The following TMEM45A variants were observed in gnomAD, a reference collection of about 807,000 sequenced individuals.
The protein encoded by TMEM45A is transmembrane protein 45A.
In TMEM45A, 25 loss-of-function variants were observed where a neutral mutation model predicts 32.0. The observed-to-expected ratio is 0.78, with a 90% CI of 0.57 to 1.09. The LOEUF is 1.09. TMEM45A is among the 50% of genes least tolerant of loss of function. The probability of loss-of-function intolerance (pLI) is 0.00; values close to 1 mark genes in which losing one functional copy is unlikely to be tolerated. For missense variants in TMEM45A, 302 were observed against 325.0 expected (o/e 0.93, Z 0.54); for synonymous variants, 122 against 114.8 (o/e 1.06, Z -0.40).
intron 1 of TMEM45A, among the ~76,000 whole-genome samples, chr3:100,512,966 A>T (rs1708193009): frequency 6.6e-6 from 1 of 151,158 alleles, no homozygotes; most frequent in African/African-American, 2.4e-5. Context: ...CAGGATCTGA[A>T]ATTGTGGCAA....
At chr3:100,499,659 T>C (rs1239444202) in intron 1 of TMEM45A, among the ~76,000 whole-genome samples, 1 of 152,186 alleles carries the variant, frequency 6.6e-6, no homozygotes, top group Non-Finnish European at 1.5e-5. Flanking sequence ...GGTGGATCAC[T>C]TGAGGCCAGG....
Position 100,576,889 on chromosome 3 carries a change from A to G in TMEM45A, c.735-36A>G, listed in dbSNP as rs7427360. The G allele has an allele frequency of 0.43, 652,743 of 1,501,614 alleles. 148,543 individuals carry two copies. The highest frequency in any genetic ancestry group is 0.76 in the African/African-American group (55,083 of 72,186). The allele number at this position is 1,501,614 out of a possible 1,614,324, so 93.0% of individuals were successfully genotyped here. ...TATTGCTCTGGGTTTCTATTTTAAA[A>G]ACCGTCTAACTTGAGATGCTTTTCT... On this transcript the variant is annotated intron_variant, in intron 5 of 5. Transcript: ENST00000323523.
At chr3:100,551,046 C>T (rs997183328) in intron 1 of TMEM45A, among the ~76,000 whole-genome samples, 1 of 148,044 alleles carries the variant, frequency 6.8e-6, no homozygotes, top group African/African-American at 2.5e-5. Context: ...CGGAGTCTCC[C>T]TCTGTCGCCC....
intron 1 of TMEM45A, among the ~76,000 whole-genome samples, chr3:100,539,252 A>T (rs1446648760): frequency 6.6e-6 from 1 of 152,136 alleles, no homozygotes; most frequent in African/African-American, 2.4e-5. Flanking sequence ...AAGAACAGAC[A>T]CATAGGTGAA....
chr3:100,558,636 C>T, intron 4 of TMEM45A, 47 bp downstream of exon 4: 2 of 1,579,098 alleles, frequency 1.3e-6, no homozygotes, highest in Non-Finnish European at 1.7e-6. Flanking sequence ...TTGCCTGTAA[C>T]TTCTCTGTTT....
intron 1 of TMEM45A, among the ~76,000 whole-genome samples, chr3:100,525,798 G>A (rs950173856): frequency 3.9e-5 from 6 of 152,170 alleles, no homozygotes; most frequent in African/African-American, 1.4e-4. Context: ...CTTGTGGTAC[G>A]GGGAGACAGG....
intron 1 of TMEM45A, among the ~76,000 whole-genome samples, chr3:100,533,576 T>G (rs1019823029): frequency 5.9e-5 from 9 of 152,128 alleles, no homozygotes; most frequent in East Asian, 1.9e-4. Flanking sequence ...GGTGAGCACT[T>G]CTGGAACCCA....
chr3:100,523,322 G>A (rs923295933), intron 1 of TMEM45A, among the ~76,000 whole-genome samples: 11 of 152,190 alleles, frequency 7.2e-5, no homozygotes, highest in Non-Finnish European at 1.6e-4. Flanking sequence ...TGACTGTGTG[G>A]TACCAGGTGG....
chr3:100,555,565 A>G (rs995493259), intron 2 of TMEM45A, among the ~76,000 whole-genome samples, 164 bp downstream of exon 2: 1 of 152,240 alleles, frequency 6.6e-6, no homozygotes. Context: ...TAATCAAGTT[A>G]TTATGGAAAA....
chr3:100,531,183 C>T (rs1705640174), intron 1 of TMEM45A, among the ~76,000 whole-genome samples: 1 of 152,162 alleles, frequency 6.6e-6, no homozygotes, highest in Non-Finnish European at 1.5e-5. Flanking sequence ...AATTTGCCCT[C>T]ATTAATTATT....
intron 1 of TMEM45A, among the ~76,000 whole-genome samples, chr3:100,511,579 A>T (rs10936218): frequency 0.29 from 44,079 of 151,646 alleles, 8,321 homozygotes; most frequent in African/African-American, 0.53. Context: ...TGAGCAAAAT[A>T]ACCAGCTAAC....
chr3:100,501,423 G>A (rs1708006343), intron 1 of TMEM45A, among the ~76,000 whole-genome samples: 1 of 152,184 alleles, frequency 6.6e-6, no homozygotes, highest in Non-Finnish European at 1.5e-5. Flanking sequence ...GGATCTAGTG[G>A]GAGGAGTTTC....
chr3:100,566,422 C>T (rs1332313194), intron 4 of TMEM45A, among the ~76,000 whole-genome samples: 2 of 152,090 alleles, frequency 1.3e-5, no homozygotes, highest in East Asian at 3.8e-4. Flanking sequence ...GTTTCTAGAA[C>T]TAAATGAAAT....
chr3:100,558,526 C>T lies in TMEM45A; in HGVS notation c.525C>T (p.Asn175=). The change falls in exon 4 of 6, where the codon AAC becomes AAT. Residue 175 remains asparagine (N), a synonymous_variant. Transcript: ENST00000323523. ...CCTTCCTAGAGTTCCTTGTTCGGAA[C>T]AATGTACTTCTGGAGCTATTGCGGT... ...LVAFLEFLVR[N]NVLLELLRSS... 1 of 1,614,140 alleles carries T rather than the reference C, an allele frequency of 6.2e-7. No individual in the cohort carries two copies. Among genetic ancestry groups the T allele is most frequent in the South Asian group, 1.1e-5 (1 of 91,070 alleles).
At chr3:100,498,563 G>C (rs540569548) in intron 1 of TMEM45A, among the ~76,000 whole-genome samples, 1 of 152,232 alleles carries the variant, frequency 6.6e-6, no homozygotes. Flanking sequence ...AAATCAATCT[G>C]TCCATGTATG....
intron 5 of TMEM45A, among the ~76,000 whole-genome samples, chr3:100,575,880 G>A (rs545646306): frequency 2.6e-5 from 4 of 152,304 alleles, no homozygotes; most frequent in Non-Finnish European, 5.9e-5. Context: ...CCCTAGAGGC[G>A]GGCTTCATGC....
intron 1 of TMEM45A, among the ~76,000 whole-genome samples, chr3:100,501,927 AT>A (rs1383307131): frequency 5.3e-5 from 8 of 152,358 alleles, no homozygotes; most frequent in Admixed American, 3.3e-4. Flanking sequence ...CAGTAAAAAA[AT>A]ATTACTTTTA....
intron 4 of TMEM45A, among the ~76,000 whole-genome samples, chr3:100,567,610 C>T (rs1402919921): frequency 4.7e-5 from 7 of 149,256 alleles, no homozygotes; most frequent in Middle Eastern, 3.2e-3. Flanking sequence ...GCCAGCTCAA[C>T]AGTATTAAGC....
intron 1 of TMEM45A, among the ~76,000 whole-genome samples, chr3:100,511,098 A>G (rs1708152783): frequency 1.3e-5 from 2 of 152,258 alleles, no homozygotes; most frequent in South Asian, 2.1e-4. Context: ...GCAGGCCAAC[A>G]TTCAGATTCA....
Sources: gnomAD v4.1 joint callset for allele counts (sites outside exome capture counted in the v4.1 genomes callset) on GRCh38, gnomAD v4.1.1 for gene constraint, MANE v1.5 for transcripts, NCBI Gene and HGNC (gene_info 2026-07-23, HGNC 2026-07-21) for gene names.